Variants in PTPRM observed in about 807,000 individuals in gnomAD.
PTPRM encodes the protein protein tyrosine phosphatase receptor type M.
A neutral mutation model predicts 186.7 loss-of-function variants in PTPRM; 47 were observed. That is an observed-to-expected ratio of 0.25 (90% confidence interval 0.20 to 0.32). The LOEUF is 0.32. Ranked by LOEUF, PTPRM falls within the 10% of genes least tolerant of loss-of-function variation. PTPRM has a pLI of 1.00. For synonymous variants in PTPRM, 668 were observed against 674.9 expected, an observed-to-expected ratio of 0.99 and a Z score of 0.16; for missense variants, 1,494 against 1,865.0, an observed-to-expected ratio of 0.80 and a Z score of 3.66.
At chr18:7,610,986 T>G (rs9960398) in intron 1 of PTPRM, among the ~76,000 whole-genome samples, 32,787 of 152,040 alleles carry the variant, frequency 0.22, 6,712 homozygotes, top group African/African-American at 0.51. Context: ...AGGATGTAGA[T>G]GTGGAAGACA....
At position 8,035,639 on chromosome 18, in the gene PTPRM, A is replaced by ATAAAATTGCAATC. The variant is rs568245821; in HGVS notation, c.1133-34047_1133-34046insTAAAATTGCAATC. ...ATCCGCAGATGCAGAAATTGCAGAT[A>ATAAAATTGCAATC]CGGAGGGCTGACTGTACCTATAAAA... On this transcript the variant is annotated intron_variant, in intron 7 of 32. Transcript: ENST00000580170. Among the ~76,000 whole-genome samples, 310 of 152,308 alleles carry ATAAAATTGCAATC rather than the reference A, an allele frequency of 2.0e-3. 4 individuals are homozygous for ATAAAATTGCAATC. The highest frequency in any genetic ancestry group is 7.1e-3 in the African/African-American group (296 of 41,568).
chr18:7,811,046 A>G (rs1201286397), intron 2 of PTPRM, among the ~76,000 whole-genome samples: 1 of 152,168 alleles, frequency 6.6e-6, no homozygotes, highest in Non-Finnish European at 1.5e-5. Context: ...GCCAGTGGCC[A>G]CCAGTCATAT....
At chr18:8,233,556 C>T (rs897716620) in intron 14 of PTPRM, among the ~76,000 whole-genome samples, 7 of 152,110 alleles carry the variant, frequency 4.6e-5, no homozygotes, top group African/African-American at 1.7e-4. Flanking sequence ...ATTATGGATA[C>T]CAGTTCATTA....
At chr18:7,978,068 A>G (rs564978720) in intron 7 of PTPRM, among the ~76,000 whole-genome samples, 10 of 152,302 alleles carry the variant, frequency 6.6e-5, no homozygotes, top group Admixed American at 1.3e-4. Flanking sequence ...ACTGTTACCA[A>G]CACCCTCTGA....
intron 22 of PTPRM, among the ~76,000 whole-genome samples, chr18:8,322,324 G>T (rs62089874): frequency 0.054 from 8,200 of 152,184 alleles, 287 homozygotes; most frequent in East Asian, 0.089. Context: ...TTTGACCTTT[G>T]ATAATAATGG....
intron 5 of PTPRM, among the ~76,000 whole-genome samples, chr18:7,947,159 C>A (rs946484616): frequency 6.6e-6 from 1 of 152,202 alleles, no homozygotes; most frequent in Non-Finnish European, 1.5e-5. Context: ...CTTTGATAGC[C>A]GCTCTGCCTT....
intron 20 of PTPRM, among the ~76,000 whole-genome samples, chr18:8,300,394 C>A (rs2095143515): frequency 6.6e-6 from 1 of 151,602 alleles, no homozygotes; most frequent in Non-Finnish European, 1.5e-5. Context: ...TGGAAATGAA[C>A]AGAAATGCCA....
intron 19 of PTPRM, among the ~76,000 whole-genome samples, chr18:8,254,422 G>C (rs1213834393): frequency 2.0e-5 from 3 of 152,094 alleles, no homozygotes; most frequent in Admixed American, 6.5e-5. Flanking sequence ...CAGGAAAGTT[G>C]GATTGCTTTT....
At chr18:7,686,598 G>C (rs1301845921) in intron 1 of PTPRM, among the ~76,000 whole-genome samples, 1 of 150,856 alleles carries the variant, frequency 6.6e-6, no homozygotes, top group African/African-American at 2.4e-5. Context: ...AGCAAATACA[G>C]AGGAGCCAAA....
intron 1 of PTPRM, among the ~76,000 whole-genome samples, chr18:7,699,046 T>A (rs1412706214): frequency 6.6e-6 from 1 of 152,286 alleles, no homozygotes; most frequent in African/African-American, 2.4e-5. Context: ...AGCATTACTG[T>A]CTGAGCTCCG....
At chr18:8,279,043 G>C (rs953262451) in intron 19 of PTPRM, among the ~76,000 whole-genome samples, 1 of 151,758 alleles carries the variant, frequency 6.6e-6, no homozygotes, top group African/African-American at 2.4e-5. Flanking sequence ...AAAGCTGCAC[G>C]TTGCGCACAT....
intron 1 of PTPRM, among the ~76,000 whole-genome samples, chr18:7,766,250 C>T (rs117908165): frequency 0.014 from 2,079 of 151,126 alleles, 14 homozygotes; most frequent in Non-Finnish European, 0.02. Flanking sequence ...AAGAATGTAC[C>T]GATCAGGATC....
At chr18:8,195,629 A>G (rs540933732) in intron 14 of PTPRM, among the ~76,000 whole-genome samples, 2 of 152,334 alleles carry the variant, frequency 1.3e-5, no homozygotes, top group African/African-American at 2.4e-5. Flanking sequence ...TAAGTGAAAC[A>G]CCTTAGACAC....
At chr18:7,945,333 G>A (rs1015186461) in intron 5 of PTPRM, among the ~76,000 whole-genome samples, 4 of 151,938 alleles carry the variant, frequency 2.6e-5, no homozygotes, top group African/African-American at 7.2e-5. Context: ...GCATGGTGGC[G>A]GGCACGTGTA....
chr18:8,206,734 A>G (rs1426594985), intron 14 of PTPRM, among the ~76,000 whole-genome samples: 1 of 152,210 alleles, frequency 6.6e-6, no homozygotes, highest in Non-Finnish European at 1.5e-5. Context: ...GAAATTTTCA[A>G]AGTAAAATGC....
chr18:8,045,380 A>G (rs1413359823), intron 7 of PTPRM, among the ~76,000 whole-genome samples: 4 of 152,192 alleles, frequency 2.6e-5, no homozygotes, highest in East Asian at 1.9e-4. Flanking sequence ...TCACAGCAAC[A>G]TTTGTCATAA....
intron 1 of PTPRM, among the ~76,000 whole-genome samples, chr18:7,661,123 G>A (rs576013703): frequency 2.6e-5 from 4 of 152,148 alleles, no homozygotes; most frequent in Non-Finnish European, 5.9e-5. Flanking sequence ...AAATGATGAA[G>A]AGGCAAAGCA....
At chr18:7,792,394 T>A (rs1223779075) in intron 2 of PTPRM, among the ~76,000 whole-genome samples, 9 of 152,156 alleles carry the variant, frequency 5.9e-5, no homozygotes, top group Admixed American at 5.9e-4. Context: ...ATGAAGAGCC[T>A]GTGGCTCTTC....
chr18:8,123,722 C>A (rs561750895), intron 13 of PTPRM, among the ~76,000 whole-genome samples: 1 of 152,118 alleles, frequency 6.6e-6, no homozygotes, highest in Non-Finnish European at 1.5e-5. Context: ...CCTCTAAAAC[C>A]TTGACCTTTC....
Sources: allele counts gnomAD v4.1 joint callset (sites outside exome capture counted in the v4.1 genomes callset), GRCh38; gene constraint gnomAD v4.1.1; transcripts MANE v1.5; gene names NCBI Gene and HGNC (gene_info 2026-07-23, HGNC 2026-07-21).